CCL2: variants seen among roughly 807,000 people sequenced by gnomAD.
The protein encoded by CCL2 is C-C motif chemokine ligand 2.
A neutral mutation model predicts 6.7 loss-of-function variants in CCL2; 2 were observed. That is an observed-to-expected ratio of 0.30 (90% CI 0.12 to 0.94). The LOEUF (loss-of-function observed/expected upper bound fraction) is 0.94, where lower values mean the gene tolerates loss of function less well. Among genes scored for constraint, CCL2 ranks in the 40% least tolerant of loss-of-function variants. The probability of loss-of-function intolerance (pLI) is 0.54; values close to 1 mark genes in which losing one functional copy is unlikely to be tolerated. For synonymous variants in CCL2, 43 were observed against 45.2 expected, an observed-to-expected ratio of 0.95 and a Z score of 0.19; for missense variants, 89 against 119.3, an observed-to-expected ratio of 0.75 and a Z score of 1.18.
At chr17:34,255,592 G>T in intron 1 of CCL2, 167 bp downstream of exon 1, 1 of 575,676 alleles carries the variant, frequency 1.7e-6, no homozygotes. Context: ...CTGCTGCTCG[G>T]CAGAGCCTGA....
intron 2 of CCL2, 157 bp downstream of exon 2, chr17:34,256,496 A>G: frequency 1.6e-6 from 1 of 639,172 alleles, no homozygotes; most frequent in Non-Finnish European, 2.8e-6. Context: ...AGTGAACCCC[A>G]ACATCACTCT....
At position 34,256,877 on chromosome 17, in the gene CCL2, C is replaced by T; in HGVS notation, c.*50C>T. 1 of 1,186,328 alleles carries T rather than the reference C, an allele frequency of 8.4e-7. No individual in the cohort carries two copies. Among genetic ancestry groups the T allele is most frequent in the Non-Finnish European group, 1.3e-6 (1 of 798,678 alleles). The allele number at this position is 1,186,328 out of a possible 1,614,324, so 73.5% of individuals were successfully genotyped here. ...CTGCAGCTAACTTATTTTCCCCTAGCTTTCCCCAGACACCCTGTTTTATTT... is the reference window on the plus strand; with the variant it reads ...CTGCAGCTAACTTATTTTCCCCTAGTTTTCCCCAGACACCCTGTTTTATTT... On this transcript the variant is annotated 3_prime_UTR_variant, in exon 3 of 3. Transcript: ENST00000225831.
rs766347726 is a variant in CCL2 at position 34,256,873 on chromosome 17, C to G, written c.*46C>G. The G allele has an allele frequency of 1.6e-6, 2 of 1,241,874 alleles. No individual in the cohort carries two copies. Among genetic ancestry groups the G allele is most frequent in the South Asian group, 2.5e-5 (2 of 80,830 alleles). The allele number at this position is 1,241,874 out of a possible 1,614,324, so 76.9% of individuals were successfully genotyped here. Reference sequence around the variant, plus strand: ...GAATCTGCAGCTAACTTATTTTCCCCTAGCTTTCCCCAGACACCCTGTTTT... The same window carrying G: ...GAATCTGCAGCTAACTTATTTTCCCGTAGCTTTCCCCAGACACCCTGTTTT... On this transcript the variant is annotated 3_prime_UTR_variant, in exon 3 of 3. Transcript: ENST00000225831.
At position 34,255,285 on chromosome 17, in the gene CCL2, G is replaced by A. The variant is rs750066113; in HGVS notation, c.-65G>A. ...GGCAGAGACAGCAGCCAGAGGAACC[G>A]AGAGGCTGAGACTAACCCAGAAACA... On this transcript the variant is annotated 5_prime_UTR_variant, in exon 1 of 3. Coordinates refer to ENST00000225831, the MANE Select transcript of CCL2 (RefSeq NM_002982.4). The A allele has an allele frequency of 7.0e-6, 10 of 1,425,474 alleles. No individual in the cohort carries two copies. The highest frequency in any genetic ancestry group is 4.6e-5 in the East Asian group (2 of 43,196). The allele number at this position is 1,425,474 out of a possible 1,614,324, so 88.3% of individuals were successfully genotyped here. A position where few individuals can be genotyped will look rare whatever the true frequency, so the allele number is the denominator to read the frequency against.
rs929252556 is a variant in CCL2 at position 34,255,497 on chromosome 17, C to T, written c.76+72C>T. 3.0e-6 allele frequency: 4 copies of T among 1,321,608 alleles called. No individual in the cohort carries two copies. The African/African-American group carries it at 4.3e-5, about 14-fold the overall frequency. 81.9% of individuals were successfully genotyped at this position (1,321,608 alleles called of 1,614,324 possible). ...AGTTATCATGGACCATCCAAGCAGA[C>T]GTGGTACCCACAGTCTTGCTTTAAC... On this transcript the variant is annotated intron_variant, in intron 1 of 2. Coordinates refer to ENST00000225831, the MANE Select transcript of CCL2 (RefSeq NM_002982.4).
At chr17:34,255,879 G>C (rs1907669520) in intron 1 of CCL2, 1 of 278,604 alleles carries the variant, frequency 3.6e-6, no homozygotes, top group East Asian at 7.7e-5. Context: ...GAGTCTAAAA[G>C]GAGGCTCATA....
intron 2 of CCL2, 153 bp downstream of exon 2, chr17:34,256,492 C>G (rs904361088): frequency 1.4e-5 from 9 of 644,450 alleles, no homozygotes; most frequent in Non-Finnish European, 2.5e-5. Context: ...AAAAAGTGAA[C>G]CCCAACATCA....
Position 34,255,382 on chromosome 17 carries a change from G to A in CCL2, c.33G>A (p.Leu11=). The stretch of plus-strand genomic sequence containing the variant: ...TCTCTGCCGCCCTTCTGTGCCTGCT[G>A]CTCATAGCAGCCACCTTCATTCCCC... MKVSAALLCL[L]LIAATFIPQG... is the part of the protein sequence containing the mutation. Residue 11 remains leucine, a synonymous_variant, in exon 1 of 3, where the codon CTG becomes CTA. Coordinates refer to ENST00000225831, the MANE Select transcript of CCL2 (RefSeq NM_002982.4). 2 of 1,613,940 alleles carry A rather than the reference G, an allele frequency of 1.2e-6. No homozygotes were observed. Among genetic ancestry groups the A allele is most frequent in the Non-Finnish European group, 1.7e-6 (2 of 1,179,952 alleles).
At chr17:34,256,197 T>C (rs752116674) in intron 1 of CCL2, 25 bp from the exon 2 acceptor site, 1 of 1,502,750 alleles carries the variant, frequency 6.7e-7, no homozygotes, top group South Asian at 1.1e-5. Flanking sequence ...CCTAAAATGC[T>C]TTTTCTTTGT....
In CCL2 at chr17:34,256,780, G is replaced by T. The variant is rs1907700606; in HGVS notation, c.253G>T (p.Asp85Tyr). 6.2e-7 allele frequency: 1 copy of T among 1,613,792 alleles called. No homozygotes were observed. The highest frequency in any genetic ancestry group is 8.5e-7 in the Non-Finnish European group (1 of 1,179,826). The change falls in exon 3 of 3, where the codon GAT becomes TAT. Residue 85 changes from aspartate (D) to tyrosine (Y), a missense_variant. Coordinates refer to ENST00000225831, the MANE Select transcript of CCL2 (RefSeq NM_002982.4). ...CADPKQKWVQ[D>Y]SMDHLDKQTQ... ...TGACCCCAAGCAGAAGTGGGTTCAGGATTCCATGGACCACCTGGACAAGCA... is the reference window on the plus strand; with the variant it reads ...TGACCCCAAGCAGAAGTGGGTTCAGTATTCCATGGACCACCTGGACAAGCA...
At chr17:34,255,964 A>G (rs1907672185) in intron 1 of CCL2, 5 of 404,376 alleles carry the variant, frequency 1.2e-5, no homozygotes, top group Middle Eastern at 6.5e-4. Context: ...ACTTGTAGGC[A>G]TTATCTAGCT....
rs745882578 is a variant in CCL2, at chr17:34,256,793, A to C, written c.266A>C (p.His89Pro). Residue 89 changes from histidine (H) to proline (P), a missense_variant, in exon 3 of 3, where the codon CAC becomes CCC. By Grantham distance (77) the His-to-Pro change is moderately conservative (BLOSUM62 -2). Transcript: ENST00000225831. ...KQKWVQDSMD[H>P]LDKQTQTPKT ...AAGTGGGTTCAGGATTCCATGGACC[A>C]CCTGGACAAGCAAACCCAAACTCCG... The C allele has an allele frequency of 1.2e-6, 2 of 1,613,646 alleles. No homozygotes were observed. The highest frequency in any genetic ancestry group is 2.2e-5 in the East Asian group (1 of 44,866).
rs754083053 is a variant in CCL2 at position 34,256,762 on chromosome 17, A to G, written c.235A>G (p.Lys79Glu). The G allele has an allele frequency of 6.2e-7, 1 of 1,613,944 alleles. No homozygotes were observed. The highest frequency in any genetic ancestry group is 8.5e-7 in the Non-Finnish European group (1 of 1,179,888). ...GGCCAAGGAGATCTGTGCTGACCCC[A>G]AGCAGAAGTGGGTTCAGGATTCCAT... ...IVAKEICADPKQKWVQDSMDH... is the reference protein window; with the variant it reads ...IVAKEICADPEQKWVQDSMDH... The change falls in exon 3 of 3, where the codon AAG (lysine) becomes GAG (glutamate). Residue 79 changes from lysine (K) to glutamate (E), a missense_variant. By Grantham distance (56) the Lys-to-Glu change is moderately conservative. Transcript: ENST00000225831.
Position 34,257,032 on chromosome 17 carries a change from A to T in CCL2, c.*205A>T. The T allele has an allele frequency of 2.4e-6, 1 of 424,604 alleles. No individual in the cohort carries two copies. Among genetic ancestry groups the T allele is most frequent in the Non-Finnish European group, 4.2e-6 (1 of 235,972 alleles). The allele number at this position is 424,604 out of a possible 1,614,324, so 26.3% of individuals were successfully genotyped here. A position where few individuals can be genotyped will look rare whatever the true frequency, so the allele number is the denominator to read the frequency against. ...GTTTTTTAGATACAGAGACTTGGGG[A>T]AATTGCTTTTCCTCTTGAACCACAG... On this transcript the variant is annotated 3_prime_UTR_variant, in exon 3 of 3. Coordinates refer to ENST00000225831, the MANE Select transcript of CCL2 (RefSeq NM_002982.4).
Position 34,256,780 on chromosome 17 carries a change from G to A in CCL2, c.253G>A (p.Asp85Asn). 1 of 1,613,792 alleles carries A rather than the reference G, an allele frequency of 6.2e-7. No homozygotes were observed. Among genetic ancestry groups the A allele is most frequent in the Non-Finnish European group, 8.5e-7 (1 of 1,179,826 alleles). ...TGACCCCAAGCAGAAGTGGGTTCAG[G>A]ATTCCATGGACCACCTGGACAAGCA... ...CADPKQKWVQDSMDHLDKQTQ... is the reference protein window; with the variant it reads ...CADPKQKWVQNSMDHLDKQTQ... The change falls in exon 3 of 3, where the codon GAT (aspartate) becomes AAT (asparagine). Residue 85 changes from aspartate (D) to asparagine (N), a missense_variant. Asp to Asn is a conservative substitution (Grantham distance 23, BLOSUM62 1). Transcript: ENST00000225831.
In CCL2 at chr17:34,256,276, C is replaced by T. The variant is rs1409609758; in HGVS notation, c.131C>T (p.Ser44Leu). The change falls in exon 2 of 3, where the codon TCA becomes TTA. Residue 44 changes from serine to leucine, a missense_variant. Physicochemically the swap from Ser to Leu is moderately radical, Grantham distance 145. Coordinates refer to ENST00000225831, the MANE Select transcript of CCL2 (RefSeq NM_002982.4). ...CCYNFTNRKI[S>L]VQRLASYRRI... ...TATAACTTCACCAATAGGAAGATCTCAGTGCAGAGGCTCGCGAGCTATAGA... is the reference window on the plus strand; with the variant it reads ...TATAACTTCACCAATAGGAAGATCTTAGTGCAGAGGCTCGCGAGCTATAGA... The T allele has an allele frequency of 1.2e-6, 2 of 1,613,868 alleles. No homozygotes were observed. Among genetic ancestry groups the T allele is most frequent in the East Asian group, 2.2e-5 (1 of 44,880 alleles).
intron 1 of CCL2, 131 bp downstream of exon 1, chr17:34,255,556 G>T: frequency 1.3e-6 from 1 of 747,896 alleles, no homozygotes; most frequent in Non-Finnish European, 2.2e-6. Context: ...CTCAGAAAAG[G>T]ACAAGGGGTG....
At position 34,256,830 on chromosome 17, in the gene CCL2, A is replaced by ACTC. The variant is rs1222111593; in HGVS notation, c.*4_*6dup. On this transcript the variant is annotated 3_prime_UTR_variant, in exon 3 of 3. Coordinates refer to ENST00000225831, the MANE Select transcript of CCL2 (RefSeq NM_002982.4). ...AAACCCAAACTCCGAAGACTTGAAC[A>ACTC]CTCACTCCACAACCCAAGAATCTGC... The ACTC allele has an allele frequency of 1.3e-6, 2 of 1,592,460 alleles. No homozygotes were observed. The highest frequency in any genetic ancestry group is 3.3e-5 in the Admixed American group (2 of 59,896).
At chr17:34,255,450 G>A (rs761688300) in intron 1 of CCL2, 25 bp downstream of exon 1, 1 of 1,585,106 alleles carries the variant, frequency 6.3e-7, no homozygotes, top group South Asian at 1.1e-5. Context: ...TCTTCTCCTT[G>A]AACCACATTG....
Sources: gnomAD v4.1 joint callset for allele counts on GRCh38, gnomAD v4.1.1 for gene constraint, MANE v1.5 for transcripts, NCBI Gene and HGNC (gene_info 2026-07-23, HGNC 2026-07-21) for gene names.